PLXNA4: variants seen among roughly 807,000 people sequenced by gnomAD.
PLXNA4 encodes the protein plexin-A4.
PLXNA4 carries 44 observed loss-of-function variants against 191.8 expected under a neutral mutation model. The ratio of observed to expected loss-of-function variants is 0.23; its 90% confidence interval spans 0.18 to 0.29. The LOEUF is 0.29. Ranked by LOEUF, PLXNA4 falls within the 10% of genes least tolerant of loss-of-function variation. The pLI, the probability that PLXNA4 is intolerant of heterozygous loss-of-function variation, is 1.00. For missense variants in PLXNA4, 1,800 were observed against 2,488.8 expected (o/e 0.72, Z 5.89); for synonymous variants, 1,082 against 1,009.5 (o/e 1.07, Z -1.36).
rs1796917244 is a variant in PLXNA4 at position 132,187,459 on chromosome 7, C to T, written c.2993+12G>A. The T allele has an allele frequency of 3.1e-6, 5 of 1,609,870 alleles. No homozygotes were observed. Among genetic ancestry groups the T allele is most frequent in the African/African-American group, 2.7e-5 (2 of 74,744 alleles). Reference sequence around the variant, plus strand: ...CCTCTCTGGTGCTGCAGAAAGGGGCCCTCTGAGTTACCTGTGGAAGAGACA... The same window carrying T: ...CCTCTCTGGTGCTGCAGAAAGGGGCTCTCTGAGTTACCTGTGGAAGAGACA... On this transcript the variant is annotated intron_variant, in intron 15 of 31. Transcript: ENST00000321063.
intron 2 of PLXNA4, among the ~76,000 whole-genome samples, chr7:132,504,072 C>T (rs1798360518): frequency 6.6e-6 from 1 of 152,232 alleles, no homozygotes; most frequent in Non-Finnish European, 1.5e-5. Flanking sequence ...TCCACAGCAA[C>T]ACATTCCCAT....
At position 132,128,228 on chromosome 7, in the gene PLXNA4, G is replaced by A. The variant is rs1051538180; in HGVS notation, c.*2251C>T. On this transcript the variant is annotated 3_prime_UTR_variant, in exon 32 of 32. Coordinates refer to ENST00000321063, the MANE Select transcript of PLXNA4 (RefSeq NM_020911.2). ...GGAGGGAATAAAATGATCAAGGATAGAAAAGTCAAGCTTCTCCACCTGGTA... is the reference window on the plus strand; with the variant it reads ...GGAGGGAATAAAATGATCAAGGATAAAAAAGTCAAGCTTCTCCACCTGGTA... 7 of 152,218 alleles carry A rather than the reference G, an allele frequency of 4.6e-5. No individual in the cohort carries two copies. Among genetic ancestry groups the A allele is most frequent in the African/African-American group, 1.4e-4 (6 of 41,458 alleles). 9.4% of individuals were successfully genotyped at this position (152,218 alleles called of 1,614,324 possible).
chr7:132,375,058 A>G (rs1804602837), intron 3 of PLXNA4, among the ~76,000 whole-genome samples: 1 of 152,210 alleles, frequency 6.6e-6, no homozygotes, highest in African/African-American at 2.4e-5. Flanking sequence ...ACCCAAGCTC[A>G]TGTTAGTAAG....
chr7:132,609,122 G>T (rs1474447841), intron 2 of PLXNA4, among the ~76,000 whole-genome samples: 1 of 152,118 alleles, frequency 6.6e-6, no homozygotes, highest in Non-Finnish European at 1.5e-5. Flanking sequence ...TTCCCAGTGG[G>T]ATTCATCACA....
intron 4 of PLXNA4, among the ~76,000 whole-genome samples, chr7:132,280,011 T>A (rs552618290): frequency 6.6e-6 from 1 of 152,206 alleles, no homozygotes; most frequent in South Asian, 2.1e-4. Flanking sequence ...CCATATATAG[T>A]TTCACAAATA....
chr7:132,242,771 G>A (rs757672502), intron 4 of PLXNA4, among the ~76,000 whole-genome samples: 15 of 152,050 alleles, frequency 9.9e-5, no homozygotes, highest in Non-Finnish European at 1.3e-4. Flanking sequence ...TGCATGAGCC[G>A]TGCCTGGAGT....
intron 2 of PLXNA4, among the ~76,000 whole-genome samples, chr7:132,595,026 C>T (rs62465206): frequency 0.048 from 835 of 17,442 alleles, 6 homozygotes; most frequent in African/African-American, 0.083. Context: ...GATAGACAGA[C>T]AGACAGACAG....
At position 132,273,725 on chromosome 7, in the gene PLXNA4, A is replaced by G. The variant is rs553990758; in HGVS notation, c.1503+24366T>C. Among the ~76,000 whole-genome samples, 3 of 152,258 alleles carry G rather than the reference A, an allele frequency of 2.0e-5. No individual in the cohort carries two copies. In the South Asian group the frequency reaches 6.2e-4, roughly 32 times the overall value. ...TCAGCTTGTTTCCCCCCATTTATAA[A>G]ATGGAGAGAACTCTGTAACACCAGC... On this transcript the variant is annotated intron_variant, in intron 4 of 31. Transcript: ENST00000321063.
chr7:132,173,500 C>A (rs1156501832), intron 21 of PLXNA4, among the ~76,000 whole-genome samples: 4 of 152,196 alleles, frequency 2.6e-5, no homozygotes, highest in Admixed American at 1.3e-4. Flanking sequence ...GCTGAGGAGC[C>A]AAAGGGAGCC....
chr7:132,365,276 T>C (rs929809085), intron 3 of PLXNA4, among the ~76,000 whole-genome samples: 1 of 151,920 alleles, frequency 6.6e-6, no homozygotes, highest in Non-Finnish European at 1.5e-5. Flanking sequence ...CTGCAGAAGG[T>C]GTCCCTTCAG....
intron 3 of PLXNA4, among the ~76,000 whole-genome samples, chr7:132,359,069 G>A (rs77349795): frequency 8.0e-4 from 122 of 152,240 alleles, no homozygotes; most frequent in African/African-American, 2.8e-3. Context: ...AAAGCCATTC[G>A]ACCTTCCTGT....
intron 1 of PLXNA4, among the ~76,000 whole-genome samples, chr7:132,563,450 C>CCTT: frequency 9.1e-6 from 1 of 109,922 alleles, no homozygotes; most frequent in Admixed American, 8.8e-5. Flanking sequence ...TCTTCCTCCT[C>CCTT]CTCCTCCTTC....
chr7:132,380,376 T>C (rs915373333), intron 3 of PLXNA4, among the ~76,000 whole-genome samples: 11 of 152,112 alleles, frequency 7.2e-5, no homozygotes, highest in African/African-American at 2.7e-4. Context: ...TGCAATACTG[T>C]GGCCCTCTTG....
Position 132,470,763 on chromosome 7 carries a change from G to A in PLXNA4, c.1371+18529C>T, listed in dbSNP as rs555768231. Among the ~76,000 whole-genome samples the A allele has an allele frequency of 4.6e-5, 7 of 152,290 alleles. No individual in the cohort carries two copies. The South Asian group carries it at 6.2e-4, about 14-fold the overall frequency. On this transcript the variant is annotated intron_variant, in intron 3 of 31. Transcript: ENST00000321063. ...ATGTATCACTGCTGGCTTTGAAGAC[G>A]GAGGAAGAGAACTGTAGCTGAGGAA...
intron 10 of PLXNA4, among the ~76,000 whole-genome samples, chr7:132,205,686 C>T (rs562756561): frequency 6.6e-6 from 1 of 152,278 alleles, no homozygotes; most frequent in Non-Finnish European, 1.5e-5. Flanking sequence ...GGCTGTTTCA[C>T]CCCAAGCTGA....
chr7:132,307,475 A>AAATG (rs1801568708), intron 3 of PLXNA4, among the ~76,000 whole-genome samples: 1 of 152,324 alleles, frequency 6.6e-6, no homozygotes, highest in African/African-American at 2.4e-5. Context: ...TTTGTTGAAT[A>AAATG]AATGAATGAA....
intron 11 of PLXNA4, 62 bp from the exon 12 acceptor site, chr7:132,202,898 C>T (rs1797487787): frequency 1.4e-6 from 2 of 1,426,076 alleles, no homozygotes; most frequent in African/African-American, 2.9e-5. Context: ...CAGAAGGGGC[C>T]CAGAGAGAGA....
chr7:132,495,283 G>T (rs1241505226), intron 2 of PLXNA4, among the ~76,000 whole-genome samples: 1 of 152,248 alleles, frequency 6.6e-6, no homozygotes, highest in Non-Finnish European at 1.5e-5. Context: ...CCAAGCCAGA[G>T]CTCAATGGCC....
At chr7:132,274,000 G>T (rs1800175792) in intron 4 of PLXNA4, among the ~76,000 whole-genome samples, 1 of 133,700 alleles carries the variant, frequency 7.5e-6, no homozygotes. Flanking sequence ...ATACTATTCA[G>T]CAGTAAAAAA....
Sources: allele counts gnomAD v4.1 joint callset (sites outside exome capture counted in the v4.1 genomes callset), GRCh38; gene constraint gnomAD v4.1.1; transcripts MANE v1.5; gene names NCBI Gene and HGNC (gene_info 2026-07-23, HGNC 2026-07-21).